Variants in ARHGAP29 observed in about 807,000 individuals in gnomAD.
ARHGAP29 encodes Rho GTPase activating protein 29, also known as rho GTPase-activating protein 29.
A neutral mutation model predicts 122.6 loss-of-function variants in ARHGAP29; 43 were observed. The ratio of observed to expected loss-of-function variants is 0.35; its 90% confidence interval spans 0.27 to 0.45. The LOEUF (loss-of-function observed/expected upper bound fraction) is 0.45, where lower values mean the gene tolerates loss of function less well. ARHGAP29 is among the 20% of genes least tolerant of loss of function. The pLI is 1.00. For missense variants in ARHGAP29, 1,303 were observed against 1,477.2 expected, an observed-to-expected ratio of 0.88 and a Z score of 1.93; for synonymous variants, 506 against 497.1, an observed-to-expected ratio of 1.02 and a Z score of -0.24.
intron 2 of ARHGAP29, among the ~76,000 whole-genome samples, chr1:94,227,400 C>T (rs1652672314): frequency 6.6e-6 from 1 of 150,520 alleles, no homozygotes; most frequent in East Asian, 1.9e-4. Context: ...ATTTAAAAAC[C>T]AAACCAAAAA....
rs1650865131 is a variant in ARHGAP29 at position 94,201,755 on chromosome 1, T to C, written c.1246A>G (p.Thr416Ala). The change falls in exon 12 of 23, where the codon ACA becomes GCA. Residue 416 changes from threonine to alanine, a missense_variant. Physicochemically the swap from Thr to Ala is moderately conservative, Grantham distance 58 (BLOSUM62 0). Coordinates refer to ENST00000260526, the MANE Select transcript of ARHGAP29 (RefSeq NM_004815.4). Reference protein sequence around the residue: ...TKREILAQLRTLVFQCDLTLK... With the variant: ...TKREILAQLRALVFQCDLTLK... ...GTAAGATCACACTGGAAAACAAGTGTCCGGAGTTGTGCTAAAATTTCTCTT... is the reference window on the plus strand; with the variant it reads ...GTAAGATCACACTGGAAAACAAGTGCCCGGAGTTGTGCTAAAATTTCTCTT... 1 of 1,613,994 alleles carries C rather than the reference T, an allele frequency of 6.2e-7. No individual in the cohort carries two copies. Among genetic ancestry groups the C allele is most frequent in the Non-Finnish European group, 8.5e-7 (1 of 1,179,978 alleles).
intron 1 of ARHGAP29, among the ~76,000 whole-genome samples, chr1:94,256,578 G>T (rs1340025493): frequency 1.7e-4 from 8 of 47,482 alleles, no homozygotes; most frequent in South Asian, 8.1e-4. Context: ...TTTTTTTTGA[G>T]ACAGAGTCTC....
At chr1:94,175,517 C>T (rs1009176554) in intron 22 of ARHGAP29, among the ~76,000 whole-genome samples, 2 of 152,162 alleles carry the variant, frequency 1.3e-5, no homozygotes, top group Admixed American at 1.3e-4. Flanking sequence ...CTTTAAGCTA[C>T]AGTCGGCCCC....
intron 1 of ARHGAP29, among the ~76,000 whole-genome samples, chr1:94,235,702 C>CA (rs1557880552): frequency 6.6e-6 from 1 of 152,158 alleles, no homozygotes; most frequent in African/African-American, 2.4e-5. Flanking sequence ...CAACTTCAAA[C>CA]CAACAATATT....
rs145610481 is a variant in ARHGAP29 at position 94,247,219 on chromosome 1, G to T, written c.-32-15576C>A. On this transcript the variant is annotated intron_variant and NMD_transcript_variant, in intron 1 of 25. Coordinates refer to the ARHGAP29 transcript ENST00000552844. The stretch of plus-strand genomic sequence containing the variant: ...CGGTGAAGAAAACCAATGGGGTAAG[G>T]GTAAAGGAGCCCCTGAATTCCGCAG... Among the ~76,000 whole-genome samples, 842 of 152,184 alleles carry T rather than the reference G, an allele frequency of 5.5e-3. 10 individuals are homozygous for T. The highest frequency in any genetic ancestry group is 0.019 in the African/African-American group (800 of 41,538).
intron 1 of ARHGAP29, among the ~76,000 whole-genome samples, chr1:94,263,322 C>T (rs557487558): frequency 6.6e-6 from 1 of 151,968 alleles, no homozygotes; most frequent in East Asian, 1.9e-4. Context: ...ACGAAATAAT[C>T]TGTAAAACAA....
At chr1:94,201,928 G>A (rs2101503472) in intron 11 of ARHGAP29, 71 bp from the exon 12 acceptor site, 3 of 1,340,548 alleles carry the variant, frequency 2.2e-6, no homozygotes, top group East Asian at 2.5e-5. Flanking sequence ...CTATAGTAAA[G>A]CTAAGTTGAA....
At chr1:94,195,914 T>C (rs1650422133) in intron 12 of ARHGAP29, 1 of 152,102 alleles carries the variant, frequency 6.6e-6, no homozygotes, top group African/African-American at 2.4e-5. Flanking sequence ...AAGAGACACA[T>C]TTCTAGGGAT....
chr1:94,250,378 G>A (rs943928687), intron 1 of ARHGAP29: 2 of 152,170 alleles, frequency 1.3e-5, no homozygotes, highest in Non-Finnish European at 2.9e-5. Flanking sequence ...TCCACCCTTA[G>A]ATTCTCCTCA....
intron 1 of ARHGAP29, among the ~76,000 whole-genome samples, chr1:94,262,143 A>G (rs112779957): frequency 0.01 from 1,572 of 152,298 alleles, 28 homozygotes; most frequent in African/African-American, 0.036. Context: ...GCTGACAAAA[A>G]CAAGCAATGA....
intron 12 of ARHGAP29, chr1:94,192,000 T>C (rs1650159028): frequency 6.6e-6 from 1 of 152,178 alleles, no homozygotes; most frequent in African/African-American, 2.4e-5. Flanking sequence ...TGAAGAGAAT[T>C]TGTCAAAAGT....
At chr1:94,218,350 C>T (rs1652082941) in intron 3 of ARHGAP29, among the ~76,000 whole-genome samples, 1 of 152,124 alleles carries the variant, frequency 6.6e-6, no homozygotes, top group South Asian at 2.1e-4. Flanking sequence ...TTACAATAAT[C>T]CCAAGTATAA....
At chr1:94,304,334 C>T in the ARHGAP29 span, among the ~76,000 whole-genome samples, 13 of 152,168 alleles carry the variant, frequency 8.5e-5, no homozygotes, top group Admixed American at 8.5e-4. Flanking sequence ...TAAATGGAAT[C>T]GCACTATGTG....
chr1:94,237,765 G>C (rs2101632013), upstream of ARHGAP29: 1 of 985,458 alleles, frequency 1.0e-6, no homozygotes, highest in Non-Finnish European at 1.2e-6. Flanking sequence ...GCCGGACGCT[G>C]TCCCAGCATC....
rs1344797167 is a variant in ARHGAP29, at chr1:94,169,699, T to C, written c.*4170A>G. 2.0e-5 allele frequency among the ~76,000 whole-genome samples: 3 copies of C among 152,148 alleles called. No individual in the cohort carries two copies. Among genetic ancestry groups the C allele is most frequent in the Non-Finnish European group, 2.9e-5 (2 of 68,028 alleles). On this transcript the variant is annotated 3_prime_UTR_variant, in exon 23 of 23. Coordinates refer to ENST00000260526, the MANE Select transcript of ARHGAP29 (RefSeq NM_004815.4). ...CCTTTCTCAGGTCTTCATTTCCATA[T>C]ACCATTTCCCATTTAAAGAAACCAG... is the stretch of plus-strand genomic sequence containing the variant.
intron 2 of ARHGAP29, among the ~76,000 whole-genome samples, chr1:94,223,580 G>A (rs571060931): frequency 6.6e-6 from 1 of 151,638 alleles, no homozygotes; most frequent in Admixed American, 6.6e-5. Context: ...TTGCGGATTT[G>A]GCCACTAAAA....
At chr1:94,296,022 G>A in the ARHGAP29 span, among the ~76,000 whole-genome samples, 1 of 152,084 alleles carries the variant, frequency 6.6e-6, no homozygotes, top group Non-Finnish European at 1.5e-5. Flanking sequence ...CTGGGAAGAA[G>A]GCAGAGGAAT....
At chr1:94,175,026 G>A (rs565614298) in intron 22 of ARHGAP29, among the ~76,000 whole-genome samples, 1 of 152,236 alleles carries the variant, frequency 6.6e-6, no homozygotes, top group South Asian at 2.1e-4. Flanking sequence ...TAAGTGCTGT[G>A]CATGAACAAG....
the ARHGAP29 span, among the ~76,000 whole-genome samples, chr1:94,289,489 C>A: frequency 6.6e-6 from 1 of 152,300 alleles, no homozygotes; most frequent in African/African-American, 2.4e-5. Context: ...TTATTTCTTT[C>A]CCTTGCCTGA....
Sources: allele counts gnomAD v4.1 joint callset (sites outside exome capture counted in the v4.1 genomes callset), GRCh38; gene constraint gnomAD v4.1.1; transcripts MANE v1.5; gene names NCBI Gene and HGNC (gene_info 2026-07-23, HGNC 2026-07-21).